Variants in KLHL20 observed in about 807,000 individuals in gnomAD.
KLHL20 encodes kelch like family member 20.
A neutral mutation model predicts 69.5 loss-of-function variants in KLHL20; 29 were observed. That is an observed-to-expected ratio of 0.42 (90% CI 0.31 to 0.57). KLHL20 has a LOEUF of 0.57. Among genes scored for constraint, KLHL20 ranks in the 20% least tolerant of loss-of-function variants. The pLI is 0.18. For synonymous variants in KLHL20, 253 were observed against 265.2 expected (o/e 0.95, Z 0.45); for missense variants, 419 against 776.0 (o/e 0.54, Z 5.47).
At chr1:173,732,866 A>T (rs1672350817) in intron 2 of KLHL20, among the ~76,000 whole-genome samples, 2 of 152,198 alleles carry the variant, frequency 1.3e-5, no homozygotes, top group African/African-American at 4.8e-5. Flanking sequence ...ATCTCTAGAT[A>T]TGAAATTAGA....
chr1:173,755,880 T>C, intron 5 of KLHL20, 43 bp from the exon 6 acceptor site: 2 of 1,294,214 alleles, frequency 1.5e-6, no homozygotes, highest in East Asian at 2.3e-5. Context: ...TAACTAACAA[T>C]GTAATTTAGA....
intron 3 of KLHL20, among the ~76,000 whole-genome samples, chr1:173,740,496 G>A (rs1412306452): frequency 6.6e-6 from 1 of 151,848 alleles, no homozygotes; most frequent in African/African-American, 2.4e-5. Flanking sequence ...TTGTCTATTT[G>A]TACTCTTTCA....
Position 173,775,669 on chromosome 1 carries a change from A to G in KLHL20, c.1465A>G (p.Thr489Ala), listed in dbSNP as rs1648412521. ...CAATCCTCAGGAAAACAGATGGCACACTATAGCCCCTATGGGGACCCGGAG... is the reference window on the plus strand; with the variant it reads ...CAATCCTCAGGAAAACAGATGGCACGCTATAGCCCCTATGGGGACCCGGAG... Reference protein sequence around the residue: ...RYNPQENRWHTIAPMGTRRKH... With the variant: ...RYNPQENRWHAIAPMGTRRKH... Residue 489 changes from threonine (T) to alanine (A), a missense_variant, in exon 10 of 12, where the codon ACT becomes GCT. Thr to Ala is a moderately conservative substitution (Grantham distance 58). Around this residue, in one of 6 missense-constraint regions of KLHL20, gnomAD observed 56 missense variants for 75.9 expected, o/e 0.74. Transcript: ENST00000209884. The G allele has an allele frequency of 6.2e-7, 1 of 1,614,228 alleles. No individual in the cohort carries two copies.
chr1:173,764,108 A>G (rs919477052), intron 7 of KLHL20, among the ~76,000 whole-genome samples: 3 of 152,252 alleles, frequency 2.0e-5, no homozygotes, highest in East Asian at 1.9e-4. Context: ...CAAATTGCCA[A>G]CAAACATATG....
chr1:173,750,364 T>C (rs1673250411), intron 3 of KLHL20, among the ~76,000 whole-genome samples: 1 of 152,194 alleles, frequency 6.6e-6, no homozygotes, highest in Non-Finnish European at 1.5e-5. Flanking sequence ...AGTGCTGTGA[T>C]GGTGGTACAC....
At chr1:173,717,181 C>T (rs1395615411) in intron 2 of KLHL20, among the ~76,000 whole-genome samples, 1 of 152,196 alleles carries the variant, frequency 6.6e-6, no homozygotes, top group East Asian at 1.9e-4. Flanking sequence ...GATTGTGTCT[C>T]ATCTCCAGCT....
intron 10 of KLHL20, among the ~76,000 whole-genome samples, chr1:173,777,641 A>G (rs1004229180): frequency 1.3e-5 from 2 of 152,202 alleles, no homozygotes; most frequent in Non-Finnish European, 2.9e-5. Context: ...CTTTTATCAA[A>G]TGCTTTTTCA....
intron 2 of KLHL20, 80 bp downstream of exon 2, chr1:173,716,146 T>C (rs1671460684): frequency 7.4e-7 from 1 of 1,355,300 alleles, no homozygotes; most frequent in East Asian, 2.4e-5. Context: ...AAAAAGAGTT[T>C]CAATCTTACT....
At chr1:173,751,371 C>A (rs1673304570) in intron 3 of KLHL20, among the ~76,000 whole-genome samples, 1 of 152,094 alleles carries the variant, frequency 6.6e-6, no homozygotes, top group South Asian at 2.1e-4. Context: ...TTTTTTGAAA[C>A]TGACCCCTTG....
At chr1:173,726,673 C>T (rs1671980395) in intron 2 of KLHL20, among the ~76,000 whole-genome samples, 1 of 152,184 alleles carries the variant, frequency 6.6e-6, no homozygotes, top group South Asian at 2.1e-4. Flanking sequence ...CTCCAACAGA[C>T]CTGCAGCTGA....
chr1:173,717,590 C>T (rs955815946), intron 2 of KLHL20, among the ~76,000 whole-genome samples: 2 of 152,182 alleles, frequency 1.3e-5, no homozygotes, highest in Admixed American at 1.3e-4. Context: ...GGTTTATACT[C>T]AGTTGCTATT....
At chr1:173,770,602 C>T (rs1648021132) in intron 8 of KLHL20, among the ~76,000 whole-genome samples, 1 of 151,260 alleles carries the variant, frequency 6.6e-6, no homozygotes, top group African/African-American at 2.4e-5. Context: ...GAGACTTGAA[C>T]CCGAGAGGTG....
At chr1:173,741,342 A>G (rs1672798686) in intron 3 of KLHL20, among the ~76,000 whole-genome samples, 1 of 152,164 alleles carries the variant, frequency 6.6e-6, no homozygotes, top group Non-Finnish European at 1.5e-5. Flanking sequence ...CATTTTTTAC[A>G]TATTTTCTAT....
At chr1:173,726,175 G>T (rs1671948928) in intron 2 of KLHL20, among the ~76,000 whole-genome samples, 1 of 152,148 alleles carries the variant, frequency 6.6e-6, no homozygotes, top group African/African-American at 2.4e-5. Flanking sequence ...AGATCACACT[G>T]TAAAGCAGCA....
rs150313726 is a variant in KLHL20 at position 173,785,172 on chromosome 1, C to T, written c.1755C>T (p.Gly585=). Residue 585 remains glycine (G), a synonymous_variant, in exon 12 of 12, where the codon GGC becomes GGT. Transcript: ENST00000209884. Reference sequence around the variant, plus strand: ...GTTTCTTTCTTTGCAGGTTATATGGCGGGATGAATTACCGTCGGCTAGGGG... The same window carrying T: ...GTTTCTTTCTTTGCAGGTTATATGGTGGGATGAATTACCGTCGGCTAGGGG... The part of the protein sequence containing the change: ...DPDANTWRLY[G]GMNYRRLGGG... 44 of 1,609,830 alleles carry T rather than the reference C, an allele frequency of 2.7e-5. No homozygotes were observed. The highest frequency in any genetic ancestry group is 2.5e-4 in the African/African-American group (19 of 74,590).
At chr1:173,780,852 C>A (rs1227394403) in intron 10 of KLHL20, among the ~76,000 whole-genome samples, 4 of 151,928 alleles carry the variant, frequency 2.6e-5, no homozygotes, top group Non-Finnish European at 5.9e-5. Flanking sequence ...GCCTCAGCCT[C>A]CCGAGTAGCT....
At chr1:173,740,558 T>C (rs566483010) in intron 3 of KLHL20, among the ~76,000 whole-genome samples, 7 of 152,182 alleles carry the variant, frequency 4.6e-5, no homozygotes, top group Non-Finnish European at 1.0e-4. Flanking sequence ...AGCACCGCTT[T>C]TGCTGTATCC....
intron 10 of KLHL20, among the ~76,000 whole-genome samples, chr1:173,779,114 A>G (rs1648678978): frequency 1.3e-5 from 2 of 151,876 alleles, no homozygotes; most frequent in Non-Finnish European, 2.9e-5. Context: ...TTATGTCCAA[A>G]ACCGCTTTAT....
At chr1:173,757,840 C>G (rs60228238) in intron 7 of KLHL20, among the ~76,000 whole-genome samples, 11 of 152,068 alleles carry the variant, frequency 7.2e-5, no homozygotes, top group African/African-American at 2.2e-4. Flanking sequence ...TTGTACTATA[C>G]GTGTTGAAAT....
Sources: gnomAD v4.1 joint callset for allele counts (sites outside exome capture counted in the v4.1 genomes callset) on GRCh38, gnomAD v4.1.1 for gene constraint, gnomAD v4.1.1 regional missense constraint, MANE v1.5 for transcripts, NCBI Gene and HGNC (gene_info 2026-07-23, HGNC 2026-07-21) for gene names.